URGCP: variants seen among roughly 807,000 people sequenced by gnomAD.
URGCP encodes upregulator of cell proliferation, also known as up-regulator of cell proliferation.
Under a neutral mutation model 24.6 loss-of-function variants are expected in URGCP, and 13 were observed. That is an observed-to-expected ratio of 0.53 (90% CI 0.34 to 0.84). URGCP has a LOEUF of 0.84. URGCP is among the 40% of genes least tolerant of loss of function. The probability of loss-of-function intolerance (pLI) is 0.01; values close to 1 mark genes in which losing one functional copy is unlikely to be tolerated. For synonymous variants in URGCP, 444 were observed against 487.2 expected (o/e 0.91, Z 1.17); for missense variants, 899 against 1,194.3 (o/e 0.75, Z 3.64).
Position 43,878,794 on chromosome 7 carries a change from G to A in URGCP, c.669C>T (p.His223=), listed in dbSNP as rs748741854. ...TGGCCCACAGCAGAAATGTATGGTA[G>A]TGGTTCTCCGAGTCAGGCAACACGA... ...LPLVLPDSEN[H]YHTFLLWAMR... The change falls in exon 6 of 6, where the codon CAC becomes CAT. Residue 223 remains histidine, a synonymous_variant. Coordinates refer to ENST00000453200, the MANE Select transcript of URGCP (RefSeq NM_001077663.3). The surrounding 1 kb of genome is among the most constrained non-coding windows in gnomAD (Gnocchi z 5.6). The A allele has an allele frequency of 1.2e-6, 2 of 1,614,044 alleles. No individual in the cohort carries two copies. The highest frequency in any genetic ancestry group is 1.7e-5 in the Admixed American group (1 of 59,978).
chr7:43,893,803 G>A (rs566352654), intron 1 of URGCP, among the ~76,000 whole-genome samples: 6 of 152,216 alleles, frequency 3.9e-5, no homozygotes, highest in African/African-American at 9.6e-5. Flanking sequence ...CCCGGGAGAC[G>A]GAGGTTGCAC....
rs371355697 is a variant in URGCP at position 43,878,245 on chromosome 7, A to G, written c.1218T>C (p.Pro406=). The part of the protein sequence containing the change: ...TNLRFLNKLI[P]VLKIDHSHVL... ...CATGTGAGTGGTCTATTTTCAGCAC[A>G]GGAATTAACTTATTCAGAAATCTCA... The change falls in exon 6 of 6, where the codon CCT becomes CCC. Residue 406 remains proline (P), a synonymous_variant. Transcript: ENST00000453200. This position sits in a 1 kb window ranked among gnomAD's most constrained non-coding sequence, Gnocchi z 5.6. The G allele has an allele frequency of 2.2e-5, 36 of 1,614,218 alleles. No homozygotes were observed. The highest frequency in any genetic ancestry group is 2.9e-5 in the Non-Finnish European group (34 of 1,180,042).
At chr7:43,920,618 A>T (rs1484762384) in intron 1 of URGCP, among the ~76,000 whole-genome samples, 2 of 152,174 alleles carry the variant, frequency 1.3e-5, no homozygotes, top group African/African-American at 2.4e-5. Context: ...CTCTTTTTGG[A>T]TCTTGTTTTT....
At chr7:43,920,172 A>C in intron 1 of URGCP, 1 of 585,124 alleles carries the variant, frequency 1.7e-6, no homozygotes, top group East Asian at 2.9e-5. Context: ...TCTCATATAC[A>C]TGCATTTTCT....
intron 3 of URGCP, 195 bp from the exon 4 acceptor site, chr7:43,882,152 A>T: frequency 1.1e-6 from 1 of 873,530 alleles, no homozygotes; most frequent in Non-Finnish European, 1.6e-6. Context: ...TTTTTTAAAA[A>T]ATTAGGCCAG....
upstream of URGCP, among the ~76,000 whole-genome samples, chr7:43,909,705 CTA>C (rs2095907939): frequency 6.6e-6 from 1 of 150,704 alleles, no homozygotes; most frequent in Non-Finnish European, 1.5e-5. Context: ...GGGTGACAGA[CTA>C]TCTCAAAAAT....
At chr7:43,897,222 A>ATAAT (rs1332438870) in intron 1 of URGCP, among the ~76,000 whole-genome samples, 1 of 152,214 alleles carries the variant, frequency 6.6e-6, no homozygotes, top group Admixed American at 6.5e-5. Flanking sequence ...AAATAAATAA[A>ATAAT]TAAATAAAAA....
chr7:43,879,447 G>A (rs1027368201), intron 5 of URGCP, among the ~76,000 whole-genome samples, 187 bp from the exon 6 acceptor site: 6 of 152,116 alleles, frequency 3.9e-5, no homozygotes, highest in African/African-American at 1.2e-4. Context: ...GCTGGAACCC[G>A]GACATCAAGG....
chr7:43,919,491 T>A (rs2095919669), intron 1 of URGCP: 2 of 1,153,074 alleles, frequency 1.7e-6, no homozygotes, highest in Non-Finnish European at 2.6e-6. Context: ...TCCCACCCCA[T>A]GGCTCCACTT....
chr7:43,883,362 A>ATTTTTTT lies in URGCP; in HGVS notation c.113-1412_113-1406dup, dbSNP rs34217938. ...CATATATATATATATATATATATATATTTTTTTTTTTTTTTTGAGATGGAG... is the reference window on the plus strand; with the variant it reads ...CATATATATATATATATATATATATATTTTTTTTTTTTTTTTTTTTTTTGAGATGGAG... On this transcript the variant is annotated intron_variant, in intron 3 of 5. Transcript: ENST00000453200. 7.5e-4 allele frequency among the ~76,000 whole-genome samples: 66 copies of ATTTTTTT among 88,308 alleles called. 1 individual carries two copies. Among genetic ancestry groups the ATTTTTTT allele is most frequent in the Middle Eastern group, 6.8e-3 (1 of 148 alleles). 57.9% of individuals were successfully genotyped at this position (88,308 alleles called of 152,430 possible). A position where few individuals can be genotyped will look rare whatever the true frequency, so the allele number is the denominator to read the frequency against.
In URGCP at chr7:43,879,382, G is replaced by A. The variant is rs1157015006; in HGVS notation, c.203-122C>T. The A allele has an allele frequency of 1.9e-5, 23 of 1,198,222 alleles. No individual in the cohort carries two copies. In the East Asian group the frequency reaches 5.0e-4, roughly 26 times the overall value. 74.2% of individuals were successfully genotyped at this position (1,198,222 alleles called of 1,614,324 possible). The stretch of plus-strand genomic sequence containing the variant: ...GTGACGACCCCCTTCAGAGAGCAGA[G>A]TGCAGGCACAGGAGGCTCAGGGTGT... On this transcript the variant is annotated intron_variant, in intron 5 of 5. Coordinates refer to ENST00000453200, the MANE Select transcript of URGCP (RefSeq NM_001077663.3).
chr7:43,893,892 G>A (rs1458947811), intron 1 of URGCP, among the ~76,000 whole-genome samples: 7 of 151,274 alleles, frequency 4.6e-5, no homozygotes, highest in Non-Finnish European at 7.4e-5. Flanking sequence ...AGAAAGTAAA[G>A]GGACGAAAAA....
At chr7:43,923,766 G>A (rs73110219) in intron 1 of URGCP, among the ~76,000 whole-genome samples, 50,982 of 152,034 alleles carry the variant, frequency 0.34, 8,907 homozygotes, top group South Asian at 0.58. Flanking sequence ...ACATTTTCTC[G>A]CATTCTGTGT....
chr7:43,902,940 C>G (rs1416691871), intron 1 of URGCP, among the ~76,000 whole-genome samples: 1 of 152,100 alleles, frequency 6.6e-6, no homozygotes, highest in Non-Finnish European at 1.5e-5. Flanking sequence ...AAACCGGGAA[C>G]ATTCTTAACT....
upstream of URGCP, among the ~76,000 whole-genome samples, chr7:43,908,088 CTTTG>C (rs902940335): frequency 6.6e-6 from 1 of 152,036 alleles, no homozygotes; most frequent in Non-Finnish European, 1.5e-5. Flanking sequence ...AGAATTTTTT[CTTTG>C]TTTGTTTGAG....
At chr7:43,888,224 T>C (rs2132669918) in intron 1 of URGCP, 1 of 155,226 alleles carries the variant, frequency 6.4e-6, no homozygotes, top group African/African-American at 2.4e-5. Context: ...ATTTTAGGCC[T>C]GGTGTGGTGG....
At chr7:43,882,098 G>C (rs1562574351) in intron 3 of URGCP, 141 bp from the exon 4 acceptor site, 2 of 1,413,958 alleles carry the variant, frequency 1.4e-6, no homozygotes, top group South Asian at 2.8e-5. Flanking sequence ...AGGAGTTTGA[G>C]ACCAGCCTGG....
intron 1 of URGCP, among the ~76,000 whole-genome samples, chr7:43,912,866 T>C (rs2095911451): frequency 1.3e-5 from 2 of 152,116 alleles, no homozygotes; most frequent in Admixed American, 1.3e-4. Context: ...TTTTTTTCTT[T>C]TTGAGACAGA....
At chr7:43,881,743 C>A (rs1293025734) in intron 4 of URGCP, 46 bp from the exon 5 acceptor site, 6 of 1,613,454 alleles carry the variant, frequency 3.7e-6, no homozygotes, top group Non-Finnish European at 5.1e-6. Context: ...AAATAATGCA[C>A]CCTTGGCTGA....
Sources: gnomAD v4.1 joint callset for allele counts (sites outside exome capture counted in the v4.1 genomes callset) on GRCh38, gnomAD v4.1.1 for gene constraint, Gnocchi (gnomAD v3.1) non-coding constraint, MANE v1.5 for transcripts, NCBI Gene and HGNC (gene_info 2026-07-23, HGNC 2026-07-21) for gene names.